The following TRARG1 variants were observed in gnomAD, a reference collection of about 807,000 sequenced individuals.
The protein encoded by TRARG1 is trafficking regulator of GLUT4 1.
In TRARG1, 16 loss-of-function variants were observed where a neutral mutation model predicts 13.3. That is an observed-to-expected ratio of 1.20 (90% CI 0.81 to 1.83). The LOEUF (loss-of-function observed/expected upper bound fraction) is 1.83, where lower values mean the gene tolerates loss of function less well. Among genes scored for constraint, TRARG1 ranks in the 40% most tolerant of loss-of-function variants. TRARG1 has a pLI of 0.00. For synonymous variants in TRARG1, 113 were observed against 106.2 expected (o/e 1.06, Z -0.39); for missense variants, 250 against 237.4 (o/e 1.05, Z -0.35).
intron 1 of TRARG1, among the ~76,000 whole-genome samples, chr17:1,284,182 C>A (rs2072004631): frequency 6.6e-6 from 1 of 152,158 alleles, no homozygotes; most frequent in South Asian, 2.1e-4. Context: ...AGCTGTCACT[C>A]TCCATCCCTG....
intron 2 of TRARG1, 67 bp downstream of exon 2, chr17:1,295,690 C>T (rs1827438384): frequency 6.6e-7 from 1 of 1,505,376 alleles, no homozygotes; most frequent in East Asian, 2.4e-5. Flanking sequence ...CAAGGGTGTA[C>T]CCAGCCTCAG....
intron 1 of TRARG1, among the ~76,000 whole-genome samples, chr17:1,293,787 T>G (rs531398574): frequency 4.6e-5 from 7 of 152,118 alleles, no homozygotes; most frequent in Middle Eastern, 3.4e-3. Context: ...GGGTGCAGGC[T>G]GGTCAGAATT....
chr17:1,294,015 G>A (rs1458895245), intron 1 of TRARG1, among the ~76,000 whole-genome samples: 1 of 152,126 alleles, frequency 6.6e-6, no homozygotes, highest in Non-Finnish European at 1.5e-5. Flanking sequence ...CTTCTTCTTT[G>A]TCATCATCTT....
chr17:1,294,214 T>C (rs2072094403), intron 1 of TRARG1, among the ~76,000 whole-genome samples: 1 of 151,994 alleles, frequency 6.6e-6, no homozygotes, highest in Non-Finnish European at 1.5e-5. Flanking sequence ...TACCAAGTCA[T>C]CCCGGGACCC....
chr17:1,292,334 C>T (rs767371880), intron 1 of TRARG1, among the ~76,000 whole-genome samples: 1 of 152,212 alleles, frequency 6.6e-6, no homozygotes, highest in Non-Finnish European at 1.5e-5. Context: ...CTCCCTGCCT[C>T]CCCTCTGTTC....
intron 1 of TRARG1, among the ~76,000 whole-genome samples, chr17:1,283,694 AGCTACTCGGGAGGCTGAGGCAG>A (rs1032057219): frequency 2.0e-5 from 3 of 152,058 alleles, no homozygotes; most frequent in Non-Finnish European, 2.9e-5. Context: ...CTGCAATCCC[AGCTACTCGGGAGGCTGAGGCAG>A]GAGAATCACT....
At chr17:1,285,649 G>A (rs781297774) in intron 1 of TRARG1, among the ~76,000 whole-genome samples, 34 of 149,840 alleles carry the variant, frequency 2.3e-4, no homozygotes, top group South Asian at 1.7e-3. Flanking sequence ...AGGCAGAGGC[G>A]GAGGTTATAG....
chr17:1,291,330 T>C (rs1351054121), intron 1 of TRARG1, among the ~76,000 whole-genome samples: 1 of 152,100 alleles, frequency 6.6e-6, no homozygotes, highest in African/African-American at 2.4e-5. Flanking sequence ...AGGCTGGTCT[T>C]AAACTCCCGA....
Position 1,280,066 on chromosome 17 carries a change from A to G in TRARG1, c.65A>G (p.Asp22Gly), listed in dbSNP as rs2071960620. ...AQEPGSAAFL[D>G]LPEMEILLTK... ...GAGCCAGGCTCCGCCGCATTCCTGG[A>G]CCTGCCGGAGATGGAGATACTCCTC... The change falls in exon 1 of 3, where the codon GAC becomes GGC. Residue 22 changes from aspartate to glycine, a missense_variant. Coordinates refer to ENST00000333813, the MANE Select transcript of TRARG1 (RefSeq NM_172367.3). The G allele has an allele frequency of 1.9e-6, 3 of 1,613,500 alleles. No individual in the cohort carries two copies. The highest frequency in any genetic ancestry group is 2.5e-6 in the Non-Finnish European group (3 of 1,180,026).
chr17:1,282,246 G>GTA (rs1449366222), intron 1 of TRARG1, among the ~76,000 whole-genome samples: 7 of 93,974 alleles, frequency 7.4e-5, no homozygotes, highest in African/African-American at 2.7e-4. Context: ...GTATATGCAC[G>GTA]TATATGTACG....
At chr17:1,293,625 A>G (rs2072090011) in intron 1 of TRARG1, among the ~76,000 whole-genome samples, 1 of 151,178 alleles carries the variant, frequency 6.6e-6, no homozygotes, top group Non-Finnish European at 1.5e-5. Flanking sequence ...GTGTTTGATG[A>G]TGTCGCAGGT....
chr17:1,298,175 C>T, intron 2 of TRARG1, 76 bp from the exon 3 acceptor site: 2 of 1,598,194 alleles, frequency 1.3e-6, no homozygotes, highest in South Asian at 2.2e-5. Flanking sequence ...ACCAGAAACC[C>T]AAATCCTCCA....
chr17:1,281,376 G>GA (rs1381504365), intron 1 of TRARG1, among the ~76,000 whole-genome samples: 2 of 15,658 alleles, frequency 1.3e-4, no homozygotes, highest in Non-Finnish European at 2.9e-4. Context: ...TAGGTGTGGA[G>GA]GGGGGTTCCC....
chr17:1,282,042 A>T (rs1263940421), intron 1 of TRARG1, among the ~76,000 whole-genome samples: 1 of 135,026 alleles, frequency 7.4e-6, no homozygotes, highest in African/African-American at 2.9e-5. Context: ...ATATACACAC[A>T]TATGTACACA....
chr17:1,288,348 T>TTCCCCATCCCCCATGGGC (rs1206668764), intron 1 of TRARG1, among the ~76,000 whole-genome samples: 1 of 30,612 alleles, frequency 3.3e-5, no homozygotes, highest in Non-Finnish European at 5.0e-5. Flanking sequence ...CCCCCACGGG[T>TTCCCCATCCCCCATGGGC]TCCCCATCCC....
At position 1,279,969 on chromosome 17, in the gene TRARG1, C is replaced by G. The variant is rs750683622; in HGVS notation, c.-33C>G. On this transcript the variant is annotated 5_prime_UTR_variant, in exon 1 of 3. Transcript: ENST00000333813. Reference sequence around the variant, plus strand: ...TCCCTCCAGAGCCCCTTGTCCCAGCCTGGAGCTGCAGCCGCGCAAGGCCCA... The same window carrying G: ...TCCCTCCAGAGCCCCTTGTCCCAGCGTGGAGCTGCAGCCGCGCAAGGCCCA... 1.9e-6 allele frequency: 3 copies of G among 1,582,406 alleles called. No homozygotes were observed. The Admixed American group carries it at 5.2e-5, about 28-fold the overall frequency.
chr17:1,282,286 A>ATATGCGTATATATGTACG (rs1491503046), intron 1 of TRARG1, among the ~76,000 whole-genome samples: 7 of 63,344 alleles, frequency 1.1e-4, no homozygotes, highest in East Asian at 6.8e-4. Context: ...GTATATGTAC[A>ATATGCGTATATATGTACG]TATATGTACG....
chr17:1,296,087 C>T (rs778276750), intron 2 of TRARG1, among the ~76,000 whole-genome samples: 3 of 152,240 alleles, frequency 2.0e-5, no homozygotes, highest in East Asian at 1.9e-4. Context: ...ACCCCAGAAG[C>T]AAGCAGTGCA....
chr17:1,294,869 A>G (rs1254802914), intron 1 of TRARG1, among the ~76,000 whole-genome samples: 2 of 152,112 alleles, frequency 1.3e-5, no homozygotes, highest in South Asian at 2.1e-4. Context: ...TATTTTTAGT[A>G]GAGATGGGGT....
Sources: gnomAD v4.1 joint callset for allele counts (sites outside exome capture counted in the v4.1 genomes callset) on GRCh38, gnomAD v4.1.1 for gene constraint, MANE v1.5 for transcripts, NCBI Gene and HGNC (gene_info 2026-07-23, HGNC 2026-07-21) for gene names.